Variants in MIER1 observed in about 807,000 individuals in gnomAD.
The protein encoded by MIER1 is MIER1 transcriptional regulator.
Under a neutral mutation model 75.7 loss-of-function variants are expected in MIER1, and 40 were observed. The ratio of observed to expected loss-of-function variants is 0.53; its 90% CI spans 0.41 to 0.69. The LOEUF is 0.69. MIER1 is among the 30% of genes least tolerant of loss of function. The probability of loss-of-function intolerance (pLI) is 0.00; values close to 1 mark genes in which losing one functional copy is unlikely to be tolerated. For missense variants in MIER1, 574 were observed against 680.2 expected (o/e 0.84, Z 1.74); for synonymous variants, 213 against 223.4 (o/e 0.95, Z 0.42).
intron 11 of MIER1, among the ~76,000 whole-genome samples, chr1:66,975,898 G>A (rs1000643174): frequency 1.3e-5 from 2 of 152,106 alleles, no homozygotes; most frequent in South Asian, 2.1e-4. Context: ...TTAAAGATAC[G>A]CTCCCTAGGT....
chr1:66,930,305 G>T, intron 2 of MIER1: 1 of 1,574,148 alleles, frequency 6.4e-7, no homozygotes, highest in South Asian at 1.1e-5. Context: ...GCAGCGGCCG[G>T]AGTCCCGTTG....
chr1:66,931,482 T>A (rs1653354239), intron 2 of MIER1, among the ~76,000 whole-genome samples: 2 of 152,162 alleles, frequency 1.3e-5, no homozygotes, highest in Admixed American at 1.3e-4. Context: ...CTTGTTTGAA[T>A]TGCCATTTTC....
In MIER1 at chr1:66,981,767, A is replaced by T. The variant is rs12039172; in HGVS notation, c.1230-12A>T. 9 of 1,575,238 alleles carry T rather than the reference A, an allele frequency of 5.7e-6. No individual in the cohort carries two copies. In the Admixed American group the frequency reaches 1.3e-4, roughly 23 times the overall value. The stretch of plus-strand genomic sequence containing the variant: ...CTCTTTTTAATATAAAAATTGTTTT[A>T]TTAATTTTAAGGGATTACATGGATC... On this transcript the variant is annotated splice_polypyrimidine_tract_variant and intron_variant, in intron 12 of 13. Transcript: ENST00000401041.
intron 13 of MIER1, among the ~76,000 whole-genome samples, chr1:66,982,587 A>G (rs1666119789): frequency 1.3e-5 from 2 of 152,202 alleles, no homozygotes; most frequent in Non-Finnish European, 1.5e-5. Context: ...TTTTAAGTAA[A>G]AGAGTTCCAA....
At chr1:66,929,086 TGATA>T in intron 2 of MIER1, 1 of 689,426 alleles carries the variant, frequency 1.5e-6, no homozygotes, top group Non-Finnish European at 2.5e-6. Context: ...GGAAAATGCT[TGATA>T]GAGTCTAGAA....
At chr1:66,973,927 T>C (rs1210889970) in intron 11 of MIER1, among the ~76,000 whole-genome samples, 1 of 152,152 alleles carries the variant, frequency 6.6e-6, no homozygotes, top group African/African-American at 2.4e-5. Flanking sequence ...AGGCTCTGAA[T>C]AGTCTTCTGC....
intron 11 of MIER1, among the ~76,000 whole-genome samples, chr1:66,975,423 G>T (rs1664501353): frequency 6.6e-6 from 1 of 151,778 alleles, no homozygotes; most frequent in Non-Finnish European, 1.5e-5. Context: ...GTTATTGAGG[G>T]TGCTGAGGCA....
intron 2 of MIER1, among the ~76,000 whole-genome samples, chr1:66,935,231 T>C (rs1445995292): frequency 6.6e-6 from 1 of 152,176 alleles, no homozygotes; most frequent in Non-Finnish European, 1.5e-5. Flanking sequence ...TAGAAAAATA[T>C]AAAAGAGAAT....
chr1:66,930,127 C>G (rs1454137382), intron 2 of MIER1: 2 of 1,032,972 alleles, frequency 1.9e-6, no homozygotes, highest in Middle Eastern at 3.7e-4. Flanking sequence ...GGAGGGCTGG[C>G]CGCGGGGCCG....
At chr1:66,958,813 C>T (rs1570356728) in intron 5 of MIER1, 38 bp from the exon 6 acceptor site, 3 of 1,549,120 alleles carry the variant, frequency 1.9e-6, no homozygotes, top group Non-Finnish European at 2.6e-6. Context: ...CAACTGTTTT[C>T]CTTACATCTT....
In MIER1 at chr1:66,935,656, GA is replaced by G. The variant is rs566464945; in HGVS notation, c.169-4366del. Among the ~76,000 whole-genome samples, 280 of 152,192 alleles carry G rather than the reference GA, an allele frequency of 1.8e-3. 2 individuals carry two copies. The highest frequency in any genetic ancestry group is 6.3e-3 in the African/African-American group (263 of 41,548). ...TCAACAGTACAGAAAGGTATTAAATGAAAAAAGCCTCTTCTCCCTGACCCCA... is the reference window on the plus strand; with the variant it reads ...TCAACAGTACAGAAAGGTATTAAATGAAAAAGCCTCTTCTCCCTGACCCCA... On this transcript the variant is annotated intron_variant, in intron 2 of 13. Transcript: ENST00000401041.
intron 2 of MIER1, among the ~76,000 whole-genome samples, chr1:66,929,483 G>C (rs967684340): frequency 1.3e-5 from 2 of 152,162 alleles, no homozygotes; most frequent in Admixed American, 1.3e-4. Flanking sequence ...TTGGCATCAC[G>C]GCCAATTGGC....
At position 66,958,934 on chromosome 1, in the gene MIER1, A is replaced by G. The variant is rs775260052; in HGVS notation, c.585A>G (p.Gln195=). 2 of 1,613,190 alleles carry G rather than the reference A, an allele frequency of 1.2e-6. No individual in the cohort carries two copies. Among genetic ancestry groups the G allele is most frequent in the Non-Finnish European group, 1.7e-6 (2 of 1,179,392 alleles). ...ATCCATCACAATCTGTTGCTTCTCA[A>G]GATGCCCAGGAAATAATCCGCCCAC... The part of the protein sequence containing the change: ...NDDPSQSVAS[Q]DAQEIIRPRR... Residue 195 remains glutamine, a synonymous_variant, in exon 6 of 14, where the codon CAA becomes CAG. Coordinates refer to ENST00000401041, the MANE Select transcript of MIER1 (RefSeq NM_001077700.3).
In MIER1 at chr1:66,958,078, A is replaced by G. The variant is rs754361262; in HGVS notation, c.359A>G (p.His120Arg). 1.9e-6 allele frequency: 3 copies of G among 1,590,538 alleles called. No homozygotes were observed. Among genetic ancestry groups the G allele is most frequent in the Non-Finnish European group, 2.6e-6 (3 of 1,167,994 alleles). The change falls in exon 5 of 14, where the codon CAT becomes CGT. Residue 120 changes from histidine (H) to arginine (R), a missense_variant. Physicochemically the swap from His to Arg is conservative, Grantham distance 29. Around this residue, in one of 3 missense-constraint regions of MIER1, gnomAD observed 309 missense variants for 352.8 expected, o/e 0.88. Coordinates refer to ENST00000401041, the MANE Select transcript of MIER1 (RefSeq NM_001077700.3). ...DLAREGDMPI[H>R]ELLSLYGYGS... The stretch of plus-strand genomic sequence containing the variant: ...ATTTAGGAAGGCGACATGCCAATTC[A>G]TGAACTTCTCAGCCTTTATGGTTAT...
In MIER1 at chr1:66,925,026, C is replaced by T. The variant is rs1651124735; in HGVS notation, c.-3C>T. On this transcript the variant is annotated 5_prime_UTR_variant, in exon 1 of 14. Transcript: ENST00000401041. The stretch of plus-strand genomic sequence containing the variant: ...AGGCTCTGAGTCTCCCGGCTGCAGG[C>T]GGATGGATGGGGCTTCTTCAGGCGG... 3 of 1,546,652 alleles carry T rather than the reference C, an allele frequency of 1.9e-6. No individual in the cohort carries two copies. The highest frequency in any genetic ancestry group is 2.6e-6 in the Non-Finnish European group (3 of 1,145,262).
At chr1:66,963,016 T>C (rs1450585110) in intron 7 of MIER1, 72 bp from the exon 8 acceptor site, 6 of 1,038,154 alleles carry the variant, frequency 5.8e-6, no homozygotes, top group South Asian at 1.4e-5. Flanking sequence ...TTTACTAAGA[T>C]GGTAAGGCTA....
chr1:66,927,358 A>G (rs1652075283), intron 2 of MIER1, among the ~76,000 whole-genome samples: 1 of 152,120 alleles, frequency 6.6e-6, no homozygotes, highest in African/African-American at 2.4e-5. Context: ...TAAAATTGGA[A>G]TTCAGCACAC....
At chr1:66,927,140 A>G (rs1347198183) in intron 2 of MIER1, among the ~76,000 whole-genome samples, 1 of 152,180 alleles carries the variant, frequency 6.6e-6, no homozygotes. Context: ...AGAATTGTTC[A>G]ATAACTTTTG....
rs79884513 is a variant in MIER1, at chr1:66,936,722, C to T, written c.169-3306C>T. Among the ~76,000 whole-genome samples the T allele has an allele frequency of 6.1e-3, 929 of 151,158 alleles. 7 individuals carry two copies. Among genetic ancestry groups the T allele is most frequent in the African/African-American group, 0.021 (848 of 41,228 alleles). On this transcript the variant is annotated intron_variant, in intron 2 of 13. Coordinates refer to ENST00000401041, the MANE Select transcript of MIER1 (RefSeq NM_001077700.3). Reference sequence around the variant, plus strand: ...GAAAATCATTTCAAAAAAGAGAGGCCGGGTGCGGTGGCTCACATCTGTAAT... The same window carrying T: ...GAAAATCATTTCAAAAAAGAGAGGCTGGGTGCGGTGGCTCACATCTGTAAT...
Sources: gnomAD v4.1 joint callset for allele counts (sites outside exome capture counted in the v4.1 genomes callset) on GRCh38, gnomAD v4.1.1 for gene constraint, gnomAD v4.1.1 regional missense constraint, MANE v1.5 for transcripts, NCBI Gene and HGNC (gene_info 2026-07-23, HGNC 2026-07-21) for gene names.